CNTNAP3B: variants seen among roughly 807,000 people sequenced by gnomAD.
CNTNAP3B encodes the protein contactin associated protein family member 3B, also known as contactin-associated protein-like 3B.
Under a neutral mutation model 108.9 loss-of-function variants are expected in CNTNAP3B, and 25 were observed. The ratio of observed to expected loss-of-function variants is 0.23; its 90% CI spans 0.17 to 0.32. The LOEUF (loss-of-function observed/expected upper bound fraction) is 0.32, where lower values mean the gene tolerates loss of function less well. Among genes scored for constraint, CNTNAP3B ranks in the 10% least tolerant of loss-of-function variants. CNTNAP3B has a pLI of 1.00. For missense variants in CNTNAP3B, 252 were observed against 1,210.4 expected, an observed-to-expected ratio of 0.21 and a Z score of 11.75; for synonymous variants, 103 against 473.4, an observed-to-expected ratio of 0.22 and a Z score of 10.16.
In CNTNAP3B at chr9:42,127,878, C is replaced by A. The variant is rs1369947104; in HGVS notation, c.85+1132G>T. Among the ~76,000 whole-genome samples the A allele has an allele frequency of 1.3e-4, 18 of 139,184 alleles. 4 individuals are homozygous for A. The highest frequency in any genetic ancestry group is 6.2e-5 in the Non-Finnish European group (4 of 64,966). The allele number at this position is 139,184 out of a possible 152,430, so 91.3% of individuals were successfully genotyped here. On this transcript the variant is annotated intron_variant, in intron 1 of 23. Coordinates refer to ENST00000377561, the MANE Select transcript of CNTNAP3B (RefSeq NM_001201380.3). ...CAGGCAGAACAGCACTGAGCTACGG[C>A]AAACTTTTCATGACAGCTTAGGAAA...
intron 9 of CNTNAP3B, among the ~76,000 whole-genome samples, chr9:41,982,080 A>AG (rs1377107022): frequency 8.4e-6 from 1 of 118,714 alleles, no homozygotes; most frequent in African/African-American, 3.6e-5. Context: ...AAAAAAAAAA[A>AG]AAAGTAAAGC....
intron 8 of CNTNAP3B, among the ~76,000 whole-genome samples, chr9:41,990,325 A>T (rs1825782089): frequency 7.8e-6 from 1 of 127,462 alleles, no homozygotes; most frequent in Non-Finnish European, 1.6e-5. Flanking sequence ...AAAAAATCTT[A>T]TTCGTGAGGA....
At chr9:41,943,075 C>T (rs1242085482) in intron 13 of CNTNAP3B, among the ~76,000 whole-genome samples, 1 of 152,280 alleles carries the variant, frequency 6.6e-6, no homozygotes, top group Non-Finnish European at 1.5e-5. Context: ...AATCAATATG[C>T]TAAGGGCTCT....
chr9:41,934,101 A>AT (rs1824067951), intron 14 of CNTNAP3B, among the ~76,000 whole-genome samples: 1 of 35,652 alleles, frequency 2.8e-5, no homozygotes, highest in Non-Finnish European at 6.1e-5. Context: ...TATTTGTTAC[A>AT]TATATATATA....
chr9:42,078,835 T>C (rs1271538848), intron 2 of CNTNAP3B, among the ~76,000 whole-genome samples: 16 of 150,744 alleles, frequency 1.1e-4, no homozygotes, highest in African/African-American at 3.2e-4. Flanking sequence ...ACTTCCACAG[T>C]TTCTTCTCTC....
chr9:42,029,313 T>G (rs1371926385), intron 3 of CNTNAP3B, among the ~76,000 whole-genome samples: 7 of 128,770 alleles, frequency 5.4e-5, no homozygotes. Flanking sequence ...TTTATTATAC[T>G]GCGATAAATG....
At chr9:41,959,806 T>C (rs1188461361) in intron 12 of CNTNAP3B, among the ~76,000 whole-genome samples, 3 of 152,424 alleles carry the variant, frequency 2.0e-5, no homozygotes, top group Non-Finnish European at 4.4e-5. Flanking sequence ...ACCCATTTGG[T>C]TATTGTCCAA....
Position 42,003,054 on chromosome 9 carries a change from T to A in CNTNAP3B, c.539-4450A>T, listed in dbSNP as rs1587192628. Reference sequence around the variant, plus strand: ...GGCATGCACTACAATGCCTGGTTAATTTTTTACTTTTTTTCTAGAGATGGG... The same window carrying A: ...GGCATGCACTACAATGCCTGGTTAAATTTTTACTTTTTTTCTAGAGATGGG... On this transcript the variant is annotated intron_variant, in intron 4 of 23. Coordinates refer to ENST00000377561, the MANE Select transcript of CNTNAP3B (RefSeq NM_001201380.3). Among the ~76,000 whole-genome samples, 3 of 128,806 alleles carry A rather than the reference T, an allele frequency of 2.3e-5. No homozygotes were observed. In the South Asian group the frequency reaches 7.8e-4, roughly 34 times the overall value. 84.5% of individuals were successfully genotyped at this position (128,806 alleles called of 152,430 possible).
intron 14 of CNTNAP3B, among the ~76,000 whole-genome samples, chr9:41,931,311 C>T (rs1403167993): frequency 1.3e-5 from 2 of 152,130 alleles, no homozygotes; most frequent in African/African-American, 2.4e-5. Flanking sequence ...GAGCAGTTAT[C>T]CTCTGTGGTG....
intron 3 of CNTNAP3B, among the ~76,000 whole-genome samples, chr9:42,019,723 T>C (rs1826274792): frequency 1.4e-5 from 2 of 146,882 alleles, no homozygotes; most frequent in South Asian, 2.1e-4. Context: ...ATTGCACCAC[T>C]GCACTCCAGC....
chr9:41,921,707 A>G (rs1196060413), intron 17 of CNTNAP3B, among the ~76,000 whole-genome samples: 2 of 152,256 alleles, frequency 1.3e-5, no homozygotes, highest in African/African-American at 2.4e-5. Flanking sequence ...AGACTTCCAG[A>G]GCTATCACCT....
In CNTNAP3B at chr9:42,077,069, T is replaced by G. The variant is rs569301366; in HGVS notation, c.197-7A>C. ...GGGGTCCAGCCACCAGCTCCTTTTT[T>G]GAAACAGAAAAAGTATAAAAATGGT... On this transcript the variant is annotated splice_region_variant and splice_polypyrimidine_tract_variant and intron_variant, in intron 2 of 23. Coordinates refer to ENST00000377561, the MANE Select transcript of CNTNAP3B (RefSeq NM_001201380.3). 212 of 1,539,534 alleles carry G rather than the reference T, an allele frequency of 1.4e-4. 29 individuals are homozygous for G. Among genetic ancestry groups the G allele is most frequent in the Non-Finnish European group, 1.8e-4 (204 of 1,138,606 alleles).
intron 15 of CNTNAP3B, among the ~76,000 whole-genome samples, chr9:41,926,208 C>T (rs1479477885): frequency 3.9e-5 from 6 of 152,394 alleles, no homozygotes; most frequent in East Asian, 1.9e-4. Flanking sequence ...GAGGTCACTC[C>T]TATGCTCCTC....
rs563247489 is a variant in CNTNAP3B, at chr9:42,110,290, T to C, written c.86-5551A>G. Among the ~76,000 whole-genome samples the C allele has an allele frequency of 2.7e-4, 37 of 137,026 alleles. 6 individuals carry two copies. The highest frequency in any genetic ancestry group is 5.0e-4 in the Non-Finnish European group (32 of 64,500). 89.9% of individuals were successfully genotyped at this position (137,026 alleles called of 152,430 possible). A position where few individuals can be genotyped will look rare whatever the true frequency, so the allele number is the denominator to read the frequency against. On this transcript the variant is annotated intron_variant, in intron 1 of 23. Transcript: ENST00000377561. ...AGGGCTTCGTGATGCTAAGCCACTC[T>C]GCCAGGCTGTGGCTCTCCCCATGCT... is the stretch of plus-strand genomic sequence containing the variant.
intron 4 of CNTNAP3B, among the ~76,000 whole-genome samples, chr9:42,002,830 G>A (rs550993180): frequency 1.5e-5 from 2 of 135,074 alleles, no homozygotes; most frequent in South Asian, 4.7e-4. Context: ...GAAAAGCTAA[G>A]ACATAAGTAA....
intron 14 of CNTNAP3B, among the ~76,000 whole-genome samples, chr9:41,936,071 A>T (rs1436824223): frequency 6.6e-6 from 1 of 152,260 alleles, no homozygotes. Context: ...TTCTGTAACA[A>T]AAAAACAGTT....
At position 42,032,424 on chromosome 9, in the gene CNTNAP3B, CAT is replaced by C. The variant is rs1418039476; in HGVS notation, c.391-18901_391-18900del. ...GCTCCCCATGATAATGGCTGAGGTACATGAAATATTACTGTTTAGAAACAAAT... is the reference window on the plus strand; with the variant it reads ...GCTCCCCATGATAATGGCTGAGGTACGAAATATTACTGTTTAGAAACAAAT... On this transcript the variant is annotated intron_variant, in intron 3 of 23. Coordinates refer to ENST00000377561, the MANE Select transcript of CNTNAP3B (RefSeq NM_001201380.3). Among the ~76,000 whole-genome samples, 9 of 124,198 alleles carry C rather than the reference CAT, an allele frequency of 7.2e-5. 1 individual carries two copies. In the South Asian group the frequency reaches 2.5e-3, roughly 34 times the overall value. The allele number at this position is 124,198 out of a possible 152,430, so 81.5% of individuals were successfully genotyped here. A position where few individuals can be genotyped will look rare whatever the true frequency, so the allele number is the denominator to read the frequency against.
chr9:41,938,967 C>T (rs547084270), intron 13 of CNTNAP3B, among the ~76,000 whole-genome samples: 95 of 152,236 alleles, frequency 6.2e-4, no homozygotes, highest in African/African-American at 2.2e-3. Context: ...AGGCTTTTCT[C>T]ATCTCTGAGG....
chr9:42,073,077 T>C (rs1389931623), intron 3 of CNTNAP3B, among the ~76,000 whole-genome samples: 2 of 138,602 alleles, frequency 1.4e-5, no homozygotes, highest in Non-Finnish European at 3.1e-5. Context: ...GCTTTTAGAA[T>C]TAAAAATTGC....
Sources: allele counts gnomAD v4.1 joint callset (sites outside exome capture counted in the v4.1 genomes callset), GRCh38; gene constraint gnomAD v4.1.1; transcripts MANE v1.5; gene names NCBI Gene and HGNC (gene_info 2026-07-23, HGNC 2026-07-21).